UBE2R2: variants seen among roughly 807,000 people sequenced by gnomAD.
UBE2R2 encodes the protein ubiquitin conjugating enzyme E2 R2.
UBE2R2 carries 1 observed loss-of-function variant against 27.8 expected under a neutral mutation model. The observed-to-expected ratio is 0.04, with a 90% confidence interval of 0.01 to 0.17. The LOEUF is 0.17. Ranked by LOEUF, UBE2R2 falls within the 10% of genes least tolerant of loss-of-function variation. UBE2R2 has a pLI of 1.00. For missense variants in UBE2R2, 100 were observed against 291.0 expected (o/e 0.34, Z 4.78); for synonymous variants, 106 against 113.3 (o/e 0.94, Z 0.41).
At chr9:33,833,445 C>G (rs1414332196) in intron 1 of UBE2R2, among the ~76,000 whole-genome samples, 2 of 152,034 alleles carry the variant, frequency 1.3e-5, no homozygotes, top group South Asian at 4.1e-4. Flanking sequence ...CCACCTGCCT[C>G]GGCCTCCCAA....
chr9:33,856,649 T>C (rs1821107078), intron 1 of UBE2R2, among the ~76,000 whole-genome samples: 1 of 152,070 alleles, frequency 6.6e-6, no homozygotes, highest in African/African-American at 2.4e-5. Context: ...TTGACTCTTC[T>C]CAGTTGTGTA....
At chr9:33,873,154 G>A (rs1821523487) in intron 1 of UBE2R2, among the ~76,000 whole-genome samples, 2 of 131,740 alleles carry the variant, frequency 1.5e-5, no homozygotes, top group South Asian at 2.4e-4. Context: ...CTGCCTGAGC[G>A]ACAGAGCAAG....
At chr9:33,845,614 G>T (rs1178386032) in intron 1 of UBE2R2, among the ~76,000 whole-genome samples, 1 of 152,030 alleles carries the variant, frequency 6.6e-6, no homozygotes, top group Admixed American at 6.6e-5. Context: ...ATTAGTAAGT[G>T]GTTCTTGATA....
intron 2 of UBE2R2, among the ~76,000 whole-genome samples, chr9:33,898,171 TG>T (rs1822164409): frequency 6.6e-6 from 1 of 151,870 alleles, no homozygotes; most frequent in Non-Finnish European, 1.5e-5. Context: ...CTGTAACCTC[TG>T]CCTCCCGGGT....
intron 1 of UBE2R2, among the ~76,000 whole-genome samples, chr9:33,821,576 A>G (rs2130711082): frequency 1.3e-5 from 2 of 152,220 alleles, no homozygotes; most frequent in East Asian, 3.9e-4. Context: ...GTGAGTCTAG[A>G]GCCAGAAAGA....
At chr9:33,855,029 TC>T (rs1430375674) in intron 1 of UBE2R2, among the ~76,000 whole-genome samples, 2 of 152,128 alleles carry the variant, frequency 1.3e-5, no homozygotes, top group Non-Finnish European at 2.9e-5. Flanking sequence ...ATATTAACAT[TC>T]CTGGCCATGA....
At position 33,919,500 on chromosome 9, in the gene UBE2R2, G is replaced by C. The variant is rs538604449; in HGVS notation, c.*2263G>C. On this transcript the variant is annotated 3_prime_UTR_variant, in exon 5 of 5. Transcript: ENST00000263228. ...CCTCTGTTAGACATTGACTCAGGGA[G>C]CCGGAGCGCCAAGTGGAGGTTGTAC... is the stretch of plus-strand genomic sequence containing the variant. 3.3e-5 allele frequency: 5 copies of C among 152,354 alleles called. No individual in the cohort carries two copies. Among genetic ancestry groups the C allele is most frequent in the Non-Finnish European group, 7.3e-5 (5 of 68,066 alleles). The allele number at this position is 152,354 out of a possible 1,614,324, so 9.4% of individuals were successfully genotyped here.
chr9:33,907,994 A>G (rs7855773), intron 3 of UBE2R2, among the ~76,000 whole-genome samples: 6,140 of 152,100 alleles, frequency 0.04, 270 homozygotes, highest in African/African-American at 0.1. Context: ...ACACCTGGCT[A>G]ATTTTTAGTA....
intron 1 of UBE2R2, among the ~76,000 whole-genome samples, chr9:33,832,021 T>A (rs183703550): frequency 5.9e-5 from 9 of 151,740 alleles, no homozygotes; most frequent in Admixed American, 5.9e-4. Flanking sequence ...ACTAATAAAT[T>A]ATTTAGGCCG....
intron 1 of UBE2R2, among the ~76,000 whole-genome samples, chr9:33,852,790 T>A (rs1008817616): frequency 4.6e-5 from 7 of 152,130 alleles, no homozygotes; most frequent in African/African-American, 1.7e-4. Flanking sequence ...GGTGGATCAC[T>A]TGAGGTCAGG....
intron 1 of UBE2R2, among the ~76,000 whole-genome samples, chr9:33,843,848 C>T (rs1291902858): frequency 1.3e-5 from 2 of 152,170 alleles, no homozygotes; most frequent in East Asian, 1.9e-4. Flanking sequence ...ATTCAGACAA[C>T]CTTTGTTTTC....
intron 2 of UBE2R2, among the ~76,000 whole-genome samples, chr9:33,897,024 ATTTTTTTTTTTT>A (rs749987839): frequency 2.5e-5 from 1 of 40,596 alleles, no homozygotes; most frequent in Non-Finnish European, 4.2e-5. Flanking sequence ...CTGTGGCCTA[ATTTTTTTTTTTT>A]TTTTTTTTTT....
At chr9:33,822,688 G>C (rs1820177849) in intron 1 of UBE2R2, among the ~76,000 whole-genome samples, 1 of 151,826 alleles carries the variant, frequency 6.6e-6, no homozygotes, top group African/African-American at 2.4e-5. Context: ...GCCTCCCAAA[G>C]TGCTGGTGTT....
chr9:33,844,515 ATTT>A (rs34578523), intron 1 of UBE2R2, among the ~76,000 whole-genome samples: 105 of 110,128 alleles, frequency 9.5e-4, no homozygotes, highest in African/African-American at 7.5e-4. Context: ...TCCCACATCT[ATTT>A]TTTTTTTTTT....
chr9:33,852,237 C>T (rs766104450), intron 1 of UBE2R2, among the ~76,000 whole-genome samples: 1 of 152,084 alleles, frequency 6.6e-6, no homozygotes, highest in African/African-American at 2.4e-5. Context: ...CTTGAGTCCG[C>T]GAGGTTGAGG....
intron 1 of UBE2R2, among the ~76,000 whole-genome samples, chr9:33,824,610 G>A (rs966622986): frequency 6.7e-6 from 1 of 150,132 alleles, no homozygotes; most frequent in Non-Finnish European, 1.5e-5. Context: ...CTGCTCTCTA[G>A]CCTGGGCGAG....
chr9:33,883,995 G>A (rs1179929009), intron 1 of UBE2R2, among the ~76,000 whole-genome samples: 1 of 151,642 alleles, frequency 6.6e-6, no homozygotes, highest in Non-Finnish European at 1.5e-5. Flanking sequence ...GAAACCTCCA[G>A]CCCCACAAAA....
intron 1 of UBE2R2, among the ~76,000 whole-genome samples, chr9:33,831,858 T>C (rs1040815591): frequency 2.0e-5 from 3 of 151,716 alleles, no homozygotes; most frequent in Non-Finnish European, 4.4e-5. Flanking sequence ...ATGGGGTTTT[T>C]CCATGTTGAT....
At chr9:33,902,487 A>AT (rs1822265255) in intron 3 of UBE2R2, among the ~76,000 whole-genome samples, 2 of 152,116 alleles carry the variant, frequency 1.3e-5, no homozygotes, top group African/African-American at 2.4e-5. Context: ...TTTTCAAGGA[A>AT]TTTTTTGGGT....
Sources: gnomAD v4.1 joint callset for allele counts (sites outside exome capture counted in the v4.1 genomes callset) on GRCh38, gnomAD v4.1.1 for gene constraint, MANE v1.5 for transcripts, NCBI Gene and HGNC (gene_info 2026-07-23, HGNC 2026-07-21) for gene names.